HS1BP3: variants seen among roughly 807,000 people sequenced by gnomAD.
HS1BP3 encodes the protein HCLS1-binding protein 3.
A neutral mutation model predicts 33.5 loss-of-function variants in HS1BP3; 32 were observed. The ratio of observed to expected loss-of-function variants is 0.95; its 90% CI spans 0.72 to 1.28. HS1BP3 has a LOEUF of 1.28. Ranked by LOEUF, HS1BP3 falls within the 50% of genes most tolerant of loss-of-function variation. The pLI is 0.00. For synonymous variants in HS1BP3, 187 were observed against 209.2 expected (o/e 0.89, Z 0.92); for missense variants, 486 against 502.3 (o/e 0.97, Z 0.31).
At chr2:20,602,052 AAG>A (rs1255632524) in intron 2 of HS1BP3, among the ~76,000 whole-genome samples, 1 of 151,420 alleles carries the variant, frequency 6.6e-6, no homozygotes, top group African/African-American at 2.4e-5. Flanking sequence ...GGAAGACAGA[AAG>A]ATGTGGGTTT....
At chr2:20,649,314 C>A (rs1354196983) in intron 1 of HS1BP3, among the ~76,000 whole-genome samples, 2 of 152,252 alleles carry the variant, frequency 1.3e-5, no homozygotes, top group Non-Finnish European at 2.9e-5. Context: ...TCCCAGTACA[C>A]ACTTTTCCAA....
chr2:20,643,541 T>C (rs1233697057), intron 2 of HS1BP3, among the ~76,000 whole-genome samples: 1 of 152,206 alleles, frequency 6.6e-6, no homozygotes, highest in Non-Finnish European at 1.5e-5. Context: ...CACACGTTGC[T>C]TCTCACCAAG....
At chr2:20,645,938 G>A (rs1695506067) in intron 1 of HS1BP3, among the ~76,000 whole-genome samples, 2 of 152,220 alleles carry the variant, frequency 1.3e-5, no homozygotes, top group Admixed American at 1.3e-4. Flanking sequence ...GGGCAGGAGG[G>A]CTGCTACAGG....
downstream of HS1BP3, among the ~76,000 whole-genome samples, chr2:20,590,204 CTG>C (rs886141474): frequency 6.6e-6 from 1 of 152,134 alleles, no homozygotes; most frequent in Non-Finnish European, 1.5e-5. Context: ...CCCCCGGGCT[CTG>C]TGTGTGTTTT....
intron 2 of HS1BP3, among the ~76,000 whole-genome samples, chr2:20,641,884 C>T (rs1695362934): frequency 6.6e-6 from 1 of 152,218 alleles, no homozygotes; most frequent in African/African-American, 2.4e-5. Context: ...CCTTCACTCA[C>T]GGAGCTCTTG....
downstream of HS1BP3, among the ~76,000 whole-genome samples, chr2:20,617,133 G>C (rs1457974110): frequency 1.3e-5 from 2 of 152,170 alleles, no homozygotes; most frequent in African/African-American, 4.8e-5. Context: ...GCAGGAGGCA[G>C]GGAGCCAGCA....
At chr2:20,557,665 C>T (rs991439237), downstream of HS1BP3, among the ~76,000 whole-genome samples, 8 of 152,200 alleles carry the variant, frequency 5.3e-5, no homozygotes, top group African/African-American at 1.9e-4. Context: ...GCTGGAAAGA[C>T]ACAGAGAAAG....
At chr2:20,621,649 C>T (rs887239788) in intron 6 of HS1BP3, among the ~76,000 whole-genome samples, 1 of 152,244 alleles carries the variant, frequency 6.6e-6, no homozygotes, top group Non-Finnish European at 1.5e-5. Flanking sequence ...CTGAATTATC[C>T]TCAAATAGGG....
At chr2:20,575,690 G>C (rs73919910) in intron 5 of HS1BP3, among the ~76,000 whole-genome samples, 4,224 of 152,150 alleles carry the variant, frequency 0.028, 151 homozygotes, top group African/African-American at 0.089. Context: ...CCTTATCCAC[G>C]GGCCTGGCCC....
chr2:20,616,484 C>T (rs999941017), downstream of HS1BP3, among the ~76,000 whole-genome samples: 7 of 152,210 alleles, frequency 4.6e-5, no homozygotes, highest in African/African-American at 1.7e-4. Flanking sequence ...CCTGAAAGGG[C>T]CCCAGGGCCA....
intron 2 of HS1BP3, among the ~76,000 whole-genome samples, chr2:20,610,709 G>GAC (rs1266318611): frequency 6.6e-6 from 1 of 152,202 alleles, no homozygotes; most frequent in Non-Finnish European, 1.5e-5. Context: ...TTTTTGTGAG[G>GAC]ACATAAGTTT....
chr2:20,601,127 A>T (rs80015388), intron 2 of HS1BP3, among the ~76,000 whole-genome samples: 3,644 of 152,346 alleles, frequency 0.024, 41 homozygotes, highest in Middle Eastern at 0.031. Flanking sequence ...GTTTATCATT[A>T]GCTTCATCAT....
intron 1 of HS1BP3, among the ~76,000 whole-genome samples, chr2:20,649,662 G>C (rs919788336): frequency 2.0e-5 from 3 of 152,246 alleles, no homozygotes; most frequent in African/African-American, 7.2e-5. Flanking sequence ...TGTGGGAGGA[G>C]ATCGGGCTGG....
chr2:20,599,635 C>CACAT (rs1270078558), intron 2 of HS1BP3, among the ~76,000 whole-genome samples: 1 of 148,904 alleles, frequency 6.7e-6, no homozygotes. Flanking sequence ...CACACACACA[C>CACAT]ACACACACAC....
At chr2:20,627,740 G>C (rs929875179) in intron 4 of HS1BP3, among the ~76,000 whole-genome samples, 5 of 151,926 alleles carry the variant, frequency 3.3e-5, no homozygotes, top group Admixed American at 2.0e-4. Flanking sequence ...CAACTCTCTA[G>C]ACCCATCTTC....
At chr2:20,625,173 T>C (rs1416010037) in intron 4 of HS1BP3, among the ~76,000 whole-genome samples, 4 of 152,278 alleles carry the variant, frequency 2.6e-5, no homozygotes, top group Non-Finnish European at 2.9e-5. Flanking sequence ...GCGAAGGTGG[T>C]TGAGAAGCAG....
intron 3 of HS1BP3, among the ~76,000 whole-genome samples, chr2:20,593,289 C>G (rs1173217659): frequency 1.3e-5 from 2 of 152,180 alleles, no homozygotes; most frequent in Non-Finnish European, 2.9e-5. Context: ...TTCTCTCTTC[C>G]TTACCACTCA....
downstream of HS1BP3, among the ~76,000 whole-genome samples, chr2:20,556,772 T>C (rs1422231578): frequency 6.6e-6 from 1 of 152,228 alleles, no homozygotes; most frequent in East Asian, 1.9e-4. Flanking sequence ...ATTTGGGCCA[T>C]GACTGCCGTG....
rs1394176742 is a variant in HS1BP3 at position 20,610,078 on chromosome 2, G to C, written c.179-11813C>G. On this transcript the variant is annotated intron_variant, in intron 2 of 3. Coordinates refer to the HS1BP3 transcript ENST00000415264. ...AGATTTTTTTTAAAGAGCAGTTTTA[G>C]GTTCACAGCACAATTGAACAGAGAG... 2.0e-5 allele frequency among the ~76,000 whole-genome samples: 3 copies of C among 152,016 alleles called. No homozygotes were observed. In the East Asian group the frequency reaches 5.8e-4, roughly 29 times the overall value.
Sources: allele counts gnomAD v4.1 joint callset (sites outside exome capture counted in the v4.1 genomes callset), GRCh38; gene constraint gnomAD v4.1.1; transcripts MANE v1.5; gene names NCBI Gene and HGNC (gene_info 2026-07-23, HGNC 2026-07-21).